The following CBX3 variants were observed in gnomAD, a reference collection of about 807,000 sequenced individuals.
CBX3 encodes the protein chromobox 3.
In CBX3, 5 loss-of-function variants were observed where a neutral mutation model predicts 22.6. The ratio of observed to expected loss-of-function variants is 0.22; its 90% CI spans 0.12 to 0.47. The LOEUF is 0.47. Ranked by LOEUF, CBX3 falls within the 20% of genes least tolerant of loss-of-function variation. The pLI is 0.99. For synonymous variants in CBX3, 50 were observed against 66.6 expected, an observed-to-expected ratio of 0.75 and a Z score of 1.21; for missense variants, 83 against 208.1, an observed-to-expected ratio of 0.40 and a Z score of 3.70.
intron 2 of CBX3, among the ~76,000 whole-genome samples, chr7:26,203,641 AC>A (rs1330801199): frequency 6.6e-6 from 1 of 152,164 alleles, no homozygotes; most frequent in East Asian, 1.9e-4. Flanking sequence ...ATGTCATGTT[AC>A]AAGTTTTTTT....
At chr7:26,206,110 A>T (rs949665180) in intron 2 of CBX3, 4 of 344,384 alleles carry the variant, frequency 1.2e-5, no homozygotes, top group African/African-American at 2.2e-5. Context: ...AAGACTGGAA[A>T]AAAATAACTG....
At chr7:26,208,340 A>G (rs557201539) in intron 3 of CBX3, 53 bp from the exon 4 acceptor site, 139 of 1,399,034 alleles carry the variant, frequency 9.9e-5, no homozygotes, top group Non-Finnish European at 1.3e-4. Context: ...GATAATGGTG[A>G]TGAATCATAT....
At chr7:26,208,660 GC>G in intron 4 of CBX3, 105 bp downstream of exon 4, 1 of 1,093,104 alleles carries the variant, frequency 9.1e-7, no homozygotes, top group Non-Finnish European at 1.3e-6. Flanking sequence ...TGCTCTTGTC[GC>G]CCAGGCTGGA....
At chr7:26,209,206 C>A (rs999361871) in intron 4 of CBX3, among the ~76,000 whole-genome samples, 6 of 152,100 alleles carry the variant, frequency 3.9e-5, no homozygotes, top group Non-Finnish European at 8.8e-5. Flanking sequence ...CACACCAAGC[C>A]CACCTTTGAC....
chr7:26,206,349 C>A lies in CBX3; in HGVS notation c.25-19C>A. The A allele has an allele frequency of 6.5e-7, 1 of 1,528,776 alleles. No individual in the cohort carries two copies. Among genetic ancestry groups the A allele is most frequent in the Non-Finnish European group, 8.9e-7 (1 of 1,117,902 alleles). The allele number at this position is 1,528,776 out of a possible 1,614,324, so 94.7% of individuals were successfully genotyped here. The stretch of plus-strand genomic sequence containing the variant: ...ATTCAAGAGGAATATTTCTTAATTT[C>A]TCTTTTGTTTTATTTTAGCAAAAAA... On this transcript the variant is annotated intron_variant, in intron 2 of 5. Transcript: ENST00000396386.
chr7:26,201,638 C>T (rs993128534), upstream of CBX3: 5 of 145,206 alleles, frequency 3.4e-5, no homozygotes, highest in African/African-American at 5.0e-5. Flanking sequence ...CGCGGCCCCT[C>T]CCCCCGCCGG....
rs539497722 is a variant in CBX3, at chr7:26,209,294, A to G, written c.330+739A>G. On this transcript the variant is annotated intron_variant, in intron 4 of 5. Transcript: ENST00000396386. ...TTTAAATATTTTAATACTTAGGACA[A>G]TAAGGATGGGCGTGGTTTAGCCTAC... Among the ~76,000 whole-genome samples, 71 of 152,256 alleles carry G rather than the reference A, an allele frequency of 4.7e-4. 1 individual carries two copies. Among genetic ancestry groups the G allele is most frequent in the African/African-American group, 1.6e-3 (66 of 41,544 alleles).
chr7:26,207,880 A>T (rs1784715604), intron 3 of CBX3, among the ~76,000 whole-genome samples: 2 of 151,400 alleles, frequency 1.3e-5, no homozygotes, highest in Admixed American at 1.3e-4. Context: ...CTACCCAGTA[A>T]TTTGGGTTTA....
intron 3 of CBX3, among the ~76,000 whole-genome samples, chr7:26,207,608 T>C (rs1784708725): frequency 6.6e-6 from 1 of 152,080 alleles, no homozygotes; most frequent in Non-Finnish European, 1.5e-5. Flanking sequence ...AACCTCTGCC[T>C]TCCGAGTTGA....
intron 4 of CBX3, 92 bp downstream of exon 4, chr7:26,208,647 T>C (rs1784736198): frequency 8.1e-7 from 1 of 1,231,436 alleles, no homozygotes; most frequent in South Asian, 1.4e-5. Flanking sequence ...TGAGATGGAG[T>C]CTTGCTCTTG....
chr7:26,204,131 G>A (rs537693274), intron 2 of CBX3, among the ~76,000 whole-genome samples: 1 of 152,070 alleles, frequency 6.6e-6, no homozygotes, highest in South Asian at 2.1e-4. Context: ...AAAAGTGCTG[G>A]GTTAAGGCAA....
chr7:26,209,785 C>T (rs79477886), intron 4 of CBX3, among the ~76,000 whole-genome samples: 4 of 152,212 alleles, frequency 2.6e-5, no homozygotes, highest in Admixed American at 2.6e-4. Context: ...GCCTACTGAC[C>T]TAGTGTGGCA....
chr7:26,204,082 A>C lies in CBX3; in HGVS notation c.24+1060A>C, dbSNP rs540866352. Reference sequence around the variant, plus strand: ...ATATGTGTGCTGTTAATTTCACTTAAATAATGGGAAATTTATTTTGACTCA... The same window carrying C: ...ATATGTGTGCTGTTAATTTCACTTACATAATGGGAAATTTATTTTGACTCA... On this transcript the variant is annotated intron_variant, in intron 2 of 5. Transcript: ENST00000396386. Among the ~76,000 whole-genome samples the C allele has an allele frequency of 4.8e-4, 73 of 152,320 alleles. No homozygotes were observed. In the Middle Eastern group the frequency reaches 0.017, roughly 35 times the overall value.
At chr7:26,205,463 C>T (rs962804717) in intron 2 of CBX3, among the ~76,000 whole-genome samples, 6 of 152,192 alleles carry the variant, frequency 3.9e-5, no homozygotes, top group Non-Finnish European at 7.3e-5. Flanking sequence ...GAAATATTAT[C>T]TACAGAGATT....
At chr7:26,204,577 C>G (rs1405016567) in intron 2 of CBX3, among the ~76,000 whole-genome samples, 2 of 152,092 alleles carry the variant, frequency 1.3e-5, no homozygotes, top group Non-Finnish European at 2.9e-5. Flanking sequence ...GTATGTGTTA[C>G]CTATATGCTT....
In CBX3 at chr7:26,206,528, A is replaced by G. The variant is rs757690570; in HGVS notation, c.167+18A>G. ...TTTACAGAGTAAGAAACTTTAGTGC[A>G]TCTTTACTATATGTTTAACTGCAGC... On this transcript the variant is annotated intron_variant, in intron 3 of 5. Transcript: ENST00000396386. The G allele has an allele frequency of 3.7e-6, 6 of 1,610,228 alleles. No individual in the cohort carries two copies. In the Admixed American group the frequency reaches 5.0e-5, roughly 14 times the overall value.
intron 4 of CBX3, among the ~76,000 whole-genome samples, chr7:26,208,781 A>G (rs532997721): frequency 6.9e-4 from 105 of 151,908 alleles, no homozygotes; most frequent in African/African-American, 2.4e-3. Context: ...CACCACGCCC[A>G]GCTAATTTTG....
At chr7:26,206,542 T>C in intron 3 of CBX3, 32 bp downstream of exon 3, 1 of 1,600,904 alleles carries the variant, frequency 6.2e-7, no homozygotes, top group Non-Finnish European at 8.5e-7. Context: ...TTACTATATG[T>C]TTAACTGCAG....
chr7:26,205,177 C>G (rs1784646620), intron 2 of CBX3, among the ~76,000 whole-genome samples: 1 of 152,034 alleles, frequency 6.6e-6, no homozygotes, highest in Non-Finnish European at 1.5e-5. Context: ...TTTTTTTTCC[C>G]CCATTTTTAA....
Sources: allele counts gnomAD v4.1 joint callset (sites outside exome capture counted in the v4.1 genomes callset), GRCh38; gene constraint gnomAD v4.1.1; transcripts MANE v1.5; gene names NCBI Gene and HGNC (gene_info 2026-07-23, HGNC 2026-07-21).